Variants in ZMAT4 observed in about 807,000 individuals in gnomAD.
The protein encoded by ZMAT4 is zinc finger matrin-type 4, also known as zinc finger matrin-type protein 4.
Under a neutral mutation model 28.7 loss-of-function variants are expected in ZMAT4, and 17 were observed. The observed-to-expected ratio is 0.59, with a 90% CI of 0.41 to 0.89. ZMAT4 has a LOEUF of 0.89. Among genes scored for constraint, ZMAT4 ranks in the 40% least tolerant of loss-of-function variants. ZMAT4 has a pLI of 0.00. For missense variants in ZMAT4, 240 were observed against 283.8 expected, an observed-to-expected ratio of 0.85 and a Z score of 1.11; for synonymous variants, 117 against 109.2, an observed-to-expected ratio of 1.07 and a Z score of -0.44.
At chr8:40,884,692 T>C (rs1453201512) in intron 1 of ZMAT4, 1 of 152,320 alleles carries the variant, frequency 6.6e-6, no homozygotes, top group East Asian at 1.9e-4. Context: ...AGCAACCTCC[T>C]CTCCTGGTCC....
chr8:40,825,773 A>G (rs1816013285), intron 1 of ZMAT4, 93 bp from the exon 2 acceptor site: 4 of 981,476 alleles, frequency 4.1e-6, no homozygotes, highest in East Asian at 5.4e-5. Context: ...TCACAGTAAC[A>G]GGTCTGACAA....
chr8:40,530,628 T>C lies in ZMAT4; in HGVS notation c.*1595A>G, dbSNP rs1318014423. 6.6e-6 allele frequency: 1 copy of C among 152,588 alleles called. No individual in the cohort carries two copies. Among genetic ancestry groups the C allele is most frequent in the African/African-American group, 2.4e-5 (1 of 41,438 alleles). The allele number at this position is 152,588 out of a possible 1,614,324, so 9.5% of individuals were successfully genotyped here. A position where few individuals can be genotyped will look rare whatever the true frequency, so the allele number is the denominator to read the frequency against. On this transcript the variant is annotated 3_prime_UTR_variant, in exon 7 of 7. Coordinates refer to ENST00000297737, the MANE Select transcript of ZMAT4 (RefSeq NM_024645.3). ...GCTGTTTTTACTCGGACAATGCTTA[T>C]TTTACAGCGGAATTGACAAATAAAG...
Position 40,656,804 on chromosome 8 carries a change from A to G in ZMAT4, c.577+17900T>C, listed in dbSNP as rs550700697. On this transcript the variant is annotated intron_variant, in intron 5 of 6. Coordinates refer to ENST00000297737, the MANE Select transcript of ZMAT4 (RefSeq NM_024645.3). ...GGGACACAAAAGGCACATATTTTAC[A>G]TTTACATTTATATAAAATGTCCAAA... Among the ~76,000 whole-genome samples, 170 of 152,302 alleles carry G rather than the reference A, an allele frequency of 1.1e-3. 1 individual carries two copies. Among genetic ancestry groups the G allele is most frequent in the African/African-American group, 4.0e-3 (165 of 41,572 alleles).
At chr8:40,778,877 G>A (rs1813710658) in intron 2 of ZMAT4, among the ~76,000 whole-genome samples, 1 of 152,182 alleles carries the variant, frequency 6.6e-6, no homozygotes, top group Admixed American at 6.5e-5. Context: ...CTAGCCAGGT[G>A]GTTGAGTAGA....
intron 3 of ZMAT4, among the ~76,000 whole-genome samples, chr8:40,756,624 AGTGTGTGTGTGTGTGTGTGTGT>A (rs58686349): frequency 1.2e-4 from 17 of 139,568 alleles, no homozygotes; most frequent in Non-Finnish European, 2.6e-4. Flanking sequence ...TATGTTTGTA[AGTGTGTGTGTGTGTGTGTGTGT>A]GTGTGTGTGT....
At position 40,697,960 on chromosome 8, in the gene ZMAT4, C is replaced by A. The variant is rs191512055; in HGVS notation, c.193-559G>T. 9.2e-5 allele frequency among the ~76,000 whole-genome samples: 14 copies of A among 152,266 alleles called. No individual in the cohort carries two copies. In the East Asian group the frequency reaches 2.7e-3, roughly 29 times the overall value. Reference sequence around the variant, plus strand: ...TTGGACCCATTATACTCATTAAAGTCTGTAAAATATCAGAGTTCAGATAGC... The same window carrying A: ...TTGGACCCATTATACTCATTAAAGTATGTAAAATATCAGAGTTCAGATAGC... On this transcript the variant is annotated intron_variant, in intron 3 of 6. Coordinates refer to ENST00000297737, the MANE Select transcript of ZMAT4 (RefSeq NM_024645.3).
chr8:40,735,556 G>T (rs1431163304), intron 3 of ZMAT4, among the ~76,000 whole-genome samples: 1 of 152,116 alleles, frequency 6.6e-6, no homozygotes, highest in Non-Finnish European at 1.5e-5. Context: ...TTAGAAACTG[G>T]ATCTAAAAAA....
At chr8:40,777,206 A>T (rs185201409) in intron 2 of ZMAT4, among the ~76,000 whole-genome samples, 9 of 152,358 alleles carry the variant, frequency 5.9e-5, no homozygotes, top group African/African-American at 1.7e-4. Flanking sequence ...AAATAAATTT[A>T]AAAATACATT....
At chr8:40,786,098 G>A (rs1167911199) in intron 2 of ZMAT4, among the ~76,000 whole-genome samples, 1 of 152,124 alleles carries the variant, frequency 6.6e-6, no homozygotes, top group Non-Finnish European at 1.5e-5. Context: ...TGCTGAATTA[G>A]GAAGCCAGAA....
Position 40,601,494 on chromosome 8 carries a change from A to AAAGAAAGAAAGAAAGAAAGAAAGC in ZMAT4, c.578-20234_578-20233insGCTTTCTTTCTTTCTTTCTTTCTT, listed in dbSNP as rs1220602089. Among the ~76,000 whole-genome samples, 150 of 82,176 alleles carry AAAGAAAGAAAGAAAGAAAGAAAGC rather than the reference A, an allele frequency of 1.8e-3. 14 individuals carry two copies. Among genetic ancestry groups the AAAGAAAGAAAGAAAGAAAGAAAGC allele is most frequent in the Middle Eastern group, 6.8e-3 (1 of 146 alleles). The allele number at this position is 82,176 out of a possible 152,430, so 53.9% of individuals were successfully genotyped here. A position where few individuals can be genotyped will look rare whatever the true frequency, so the allele number is the denominator to read the frequency against. ...GAAAGAAAGAAAGAAAGAAAGAAAG[A>AAAGAAAGAAAGAAAGAAAGAAAGC]GAGAAAGAAAGAAAGAGAAAGAGAA... On this transcript the variant is annotated intron_variant, in intron 5 of 6. Transcript: ENST00000297737.
At chr8:40,845,227 C>T (rs909592235) in intron 1 of ZMAT4, among the ~76,000 whole-genome samples, 2 of 152,102 alleles carry the variant, frequency 1.3e-5, no homozygotes, top group African/African-American at 2.4e-5. Flanking sequence ...TGTGTGGATG[C>T]CCTGGGTCTG....
chr8:40,560,785 C>T (rs2118465847), intron 6 of ZMAT4, among the ~76,000 whole-genome samples: 1 of 152,280 alleles, frequency 6.6e-6, no homozygotes, highest in African/African-American at 2.4e-5. Context: ...CCCCCACTGT[C>T]ACTCATCAGA....
intron 5 of ZMAT4, among the ~76,000 whole-genome samples, chr8:40,665,543 T>C (rs150580435): frequency 1.3e-5 from 2 of 152,318 alleles, no homozygotes; most frequent in African/African-American, 2.4e-5. Context: ...CCAGCTGAGA[T>C]GAAGTCATGA....
At chr8:40,744,147 G>A (rs555457432) in intron 3 of ZMAT4, among the ~76,000 whole-genome samples, 25 of 152,278 alleles carry the variant, frequency 1.6e-4, no homozygotes, top group African/African-American at 5.3e-4. Context: ...AGTCCCCTCC[G>A]TGGGACCTTG....
chr8:40,546,435 C>T (rs957666503), intron 6 of ZMAT4, among the ~76,000 whole-genome samples: 2 of 152,082 alleles, frequency 1.3e-5, no homozygotes, highest in African/African-American at 2.4e-5. Flanking sequence ...ATTTCTCAAA[C>T]TCTATGTTCA....
intron 5 of ZMAT4, among the ~76,000 whole-genome samples, chr8:40,615,756 G>T (rs1211231503): frequency 6.6e-6 from 1 of 152,024 alleles, no homozygotes; most frequent in Non-Finnish European, 1.5e-5. Context: ...AGTAGTTCTC[G>T]TGCCATGGTT....
At chr8:40,567,235 G>A (rs761953291) in intron 6 of ZMAT4, among the ~76,000 whole-genome samples, 3 of 151,950 alleles carry the variant, frequency 2.0e-5, no homozygotes, top group Non-Finnish European at 2.9e-5. Context: ...TTGACTACTC[G>A]GCATGAAATG....
At position 40,566,924 on chromosome 8, in the gene ZMAT4, G is replaced by C. The variant is rs186164979; in HGVS notation, c.674+14241C>G. 1.5e-3 allele frequency among the ~76,000 whole-genome samples: 230 copies of C among 152,078 alleles called. 1 individual carries two copies. The Middle Eastern group carries it at 0.017, about 11-fold the overall frequency. The stretch of plus-strand genomic sequence containing the variant: ...TTATTTGAACTTTATCCATGTCCCA[G>C]GAAATAAAACCAGAGGTCTGAAACT... On this transcript the variant is annotated intron_variant, in intron 6 of 6. Coordinates refer to ENST00000297737, the MANE Select transcript of ZMAT4 (RefSeq NM_024645.3).
At chr8:40,725,281 G>C (rs890507848) in intron 3 of ZMAT4, among the ~76,000 whole-genome samples, 44 of 152,218 alleles carry the variant, frequency 2.9e-4, no homozygotes, top group African/African-American at 1.0e-3. Context: ...AGAGTTAGAG[G>C]GATTCAGGTC....
Sources: gnomAD v4.1 joint callset for allele counts (sites outside exome capture counted in the v4.1 genomes callset) on GRCh38, gnomAD v4.1.1 for gene constraint, MANE v1.5 for transcripts, NCBI Gene and HGNC (gene_info 2026-07-23, HGNC 2026-07-21) for gene names.